Variants in GALNTL6 observed in about 807,000 individuals in gnomAD.
GALNTL6 encodes the protein polypeptide N-acetylgalactosaminyltransferase like 6.
GALNTL6 carries 46 observed loss-of-function variants against 73.7 expected under a neutral mutation model. The ratio of observed to expected loss-of-function variants is 0.62; its 90% confidence interval spans 0.49 to 0.80. The LOEUF (loss-of-function observed/expected upper bound fraction) is 0.80. Among genes scored for constraint, GALNTL6 ranks in the 30% least tolerant of loss-of-function variants. The probability of loss-of-function intolerance (pLI) is 0.00; values close to 1 mark genes in which losing one functional copy is unlikely to be tolerated. For missense variants in GALNTL6, 604 were observed against 755.0 expected (o/e 0.80, Z 2.34); for synonymous variants, 259 against 263.7 (o/e 0.98, Z 0.17).
At chr4:172,634,814 C>T (rs1301927835) in intron 5 of GALNTL6, among the ~76,000 whole-genome samples, 1 of 152,088 alleles carries the variant, frequency 6.6e-6, no homozygotes, top group Admixed American at 6.6e-5. Context: ...CATAATTAAT[C>T]ATGTAGTCAA....
Position 172,809,036 on chromosome 4 carries a change from C to T in GALNTL6, c.554-325C>T, listed in dbSNP as rs1741135274. Among the ~76,000 whole-genome samples the T allele has an allele frequency of 6.6e-6, 1 of 152,184 alleles. No individual in the cohort carries two copies. Among genetic ancestry groups the T allele is most frequent in the Admixed American group, 6.5e-5 (1 of 15,286 alleles). On this transcript the variant is annotated intron_variant, in intron 5 of 12. Coordinates refer to ENST00000506823, the MANE Select transcript of GALNTL6 (RefSeq NM_001034845.3). This position sits in a 1 kb window ranked among gnomAD's most constrained non-coding sequence, Gnocchi z 4.4. ...TCCAGGATTTTCATCTGACTTTACC[C>T]AGCAGGACCAGAGGGCAGAAGCCCA...
intron 7 of GALNTL6, among the ~76,000 whole-genome samples, chr4:172,830,264 G>A (rs575073454): frequency 2.0e-5 from 3 of 152,216 alleles, no homozygotes; most frequent in South Asian, 2.1e-4. Flanking sequence ...AAATATATGC[G>A]AATGGCTGAT....
At chr4:172,914,685 A>G (rs983885752) in intron 8 of GALNTL6, among the ~76,000 whole-genome samples, 12 of 152,258 alleles carry the variant, frequency 7.9e-5, no homozygotes. Context: ...GATCAATTCA[A>G]CAAGAAGAGC....
intron 2 of GALNTL6, among the ~76,000 whole-genome samples, chr4:172,083,623 A>G (rs965736957): frequency 2.6e-5 from 4 of 152,138 alleles, no homozygotes; most frequent in Middle Eastern, 3.2e-3. Context: ...TTGTTAAATA[A>G]TATTACTCAA....
At position 172,906,985 on chromosome 4, in the gene GALNTL6, A is replaced by G. The variant is rs570761475; in HGVS notation, c.1041+24078A>G. ...TCTAATCACAGGTTTGAAATCCATCATATTCACAGTCCTTTCTATACTCAA... is the reference window on the plus strand; with the variant it reads ...TCTAATCACAGGTTTGAAATCCATCGTATTCACAGTCCTTTCTATACTCAA... On this transcript the variant is annotated intron_variant, in intron 8 of 12. Transcript: ENST00000506823. 2.1e-3 allele frequency among the ~76,000 whole-genome samples: 326 copies of G among 152,314 alleles called. 3 individuals carry two copies. Among genetic ancestry groups the G allele is most frequent in the African/African-American group, 7.1e-3 (295 of 41,574 alleles).
At chr4:172,791,825 C>T (rs935695711) in intron 5 of GALNTL6, among the ~76,000 whole-genome samples, 2 of 152,186 alleles carry the variant, frequency 1.3e-5, no homozygotes, top group Admixed American at 6.5e-5. Context: ...GATTGAGAAA[C>T]TAAAAATTAT....
chr4:172,750,211 T>A (rs889831013), intron 5 of GALNTL6, among the ~76,000 whole-genome samples: 39 of 152,216 alleles, frequency 2.6e-4, no homozygotes, highest in Non-Finnish European at 4.4e-5. Flanking sequence ...CAATTTTGAG[T>A]TTGTACTTCA....
intron 3 of GALNTL6, among the ~76,000 whole-genome samples, chr4:172,249,579 A>C (rs1458185763): frequency 2.6e-5 from 4 of 152,114 alleles, no homozygotes; most frequent in Non-Finnish European, 5.9e-5. Flanking sequence ...CCTAGGAGGA[A>C]AAAGTGCTTC....
At chr4:171,826,198 T>C (rs775148192) in intron 2 of GALNTL6, among the ~76,000 whole-genome samples, 2 of 152,156 alleles carry the variant, frequency 1.3e-5, no homozygotes, top group Non-Finnish European at 2.9e-5. Flanking sequence ...ACCTCTTTTA[T>C]TATGCTTGGT....
At chr4:172,022,624 T>C (rs184861562) in intron 2 of GALNTL6, among the ~76,000 whole-genome samples, 2 of 152,126 alleles carry the variant, frequency 1.3e-5, no homozygotes, top group Non-Finnish European at 2.9e-5. Flanking sequence ...ATACCTTTCA[T>C]CACTATTCAC....
intron 8 of GALNTL6, among the ~76,000 whole-genome samples, chr4:172,905,463 G>T (rs1158310380): frequency 1.3e-5 from 2 of 152,042 alleles, no homozygotes; most frequent in African/African-American, 4.8e-5. Context: ...AAATGAACAT[G>T]CATAAGAGAG....
intron 5 of GALNTL6, among the ~76,000 whole-genome samples, chr4:172,435,993 C>G (rs960166555): frequency 3.6e-5 from 3 of 84,354 alleles, no homozygotes; most frequent in Non-Finnish European, 7.5e-5. Context: ...TAAGAAAGTT[C>G]AATACCTTAG....
chr4:171,886,040 T>A (rs935088034), intron 2 of GALNTL6, among the ~76,000 whole-genome samples: 1 of 152,070 alleles, frequency 6.6e-6, no homozygotes, highest in African/African-American at 2.4e-5. Flanking sequence ...TAGAGATTCT[T>A]TCATTAAACC....
intron 5 of GALNTL6, among the ~76,000 whole-genome samples, chr4:172,702,753 G>C (rs1386748475): frequency 6.6e-6 from 1 of 151,996 alleles, no homozygotes; most frequent in East Asian, 1.9e-4. Flanking sequence ...ATAAATTTCT[G>C]TTGTTTACAA....
At position 172,715,284 on chromosome 4, in the gene GALNTL6, G is replaced by T. The variant is rs79914378; in HGVS notation, c.554-94077G>T. 4.5e-3 allele frequency among the ~76,000 whole-genome samples: 678 copies of T among 152,278 alleles called. 8 individuals carry two copies. The East Asian group carries it at 0.058, about 13-fold the overall frequency. ...GCAGGGTGTGTGTGGGGATGTGCAT[G>T]GGTGTATGCACACACACAAGTATGT... On this transcript the variant is annotated intron_variant, in intron 5 of 12. Coordinates refer to ENST00000506823, the MANE Select transcript of GALNTL6 (RefSeq NM_001034845.3).
chr4:172,337,770 G>C lies in GALNTL6; in HGVS notation c.387-10753G>C, dbSNP rs537866689. ...TGCCTGGTGATGTTTATTTTGTATA[G>C]TATCATACAAGTGATCTCTGGATTC... is the stretch of plus-strand genomic sequence containing the variant. On this transcript the variant is annotated intron_variant, in intron 4 of 12. Coordinates refer to ENST00000506823, the MANE Select transcript of GALNTL6 (RefSeq NM_001034845.3). Among the ~76,000 whole-genome samples, 122 of 144,410 alleles carry C rather than the reference G, an allele frequency of 8.4e-4. 1 individual carries two copies. The highest frequency in any genetic ancestry group is 3.1e-3 in the African/African-American group (120 of 39,200). The allele number at this position is 144,410 out of a possible 152,430, so 94.7% of individuals were successfully genotyped here.
chr4:172,586,614 T>C (rs1737420642), intron 5 of GALNTL6, among the ~76,000 whole-genome samples: 1 of 152,154 alleles, frequency 6.6e-6, no homozygotes, highest in South Asian at 2.1e-4. Flanking sequence ...ATGCAGGGAA[T>C]GGTGAATAAA....
At chr4:171,930,657 A>T (rs1355358918) in intron 2 of GALNTL6, among the ~76,000 whole-genome samples, 2 of 152,052 alleles carry the variant, frequency 1.3e-5, no homozygotes, top group Non-Finnish European at 2.9e-5. Flanking sequence ...AAACATAGTA[A>T]AACCCCATCT....
intron 3 of GALNTL6, among the ~76,000 whole-genome samples, chr4:172,253,277 G>A (rs1380673552): frequency 1.3e-5 from 2 of 151,912 alleles, no homozygotes; most frequent in African/African-American, 4.8e-5. Flanking sequence ...GCATTCCAGT[G>A]AGGAATTAAA....
Sources: allele counts gnomAD v4.1 joint callset (sites outside exome capture counted in the v4.1 genomes callset), GRCh38; gene constraint gnomAD v4.1.1; non-coding constraint Gnocchi (gnomAD v3.1); transcripts MANE v1.5; gene names NCBI Gene and HGNC (gene_info 2026-07-23, HGNC 2026-07-21).